CACNA2D3: variants seen among roughly 807,000 people sequenced by gnomAD.
CACNA2D3 encodes the protein voltage-dependent calcium channel subunit alpha-2/delta-3.
CACNA2D3 carries 60 observed loss-of-function variants against 160.6 expected under a neutral mutation model. That is an observed-to-expected ratio of 0.37 (90% CI 0.30 to 0.46). The LOEUF (loss-of-function observed/expected upper bound fraction) is 0.46, where lower values mean the gene tolerates loss of function less well. Among genes scored for constraint, CACNA2D3 ranks in the 20% least tolerant of loss-of-function variants. The pLI is 1.00. For missense variants in CACNA2D3, 1,205 were observed against 1,365.0 expected (o/e 0.88, Z 1.85); for synonymous variants, 558 against 492.9 (o/e 1.13, Z -1.75).
At chr3:54,382,423 C>G (rs1219616973) in intron 3 of CACNA2D3, among the ~76,000 whole-genome samples, 1 of 152,194 alleles carries the variant, frequency 6.6e-6, no homozygotes, top group African/African-American at 2.4e-5. Flanking sequence ...TGGCAAGCAT[C>G]AGAATTTGAA....
In CACNA2D3 at chr3:54,697,868, C is replaced by G. The variant is rs368982621; in HGVS notation, c.1168-54731C>G. The stretch of plus-strand genomic sequence containing the variant: ...GATGGAGCAATTAATTTAGTTTTCC[C>G]TTAGCCAGACATTTTTTTTTTCTTC... On this transcript the variant is annotated intron_variant, in intron 11 of 37. Coordinates refer to ENST00000474759, the MANE Select transcript of CACNA2D3 (RefSeq NM_018398.3). Among the ~76,000 whole-genome samples, 10 of 152,284 alleles carry G rather than the reference C, an allele frequency of 6.6e-5. No individual in the cohort carries two copies. In the South Asian group the frequency reaches 2.1e-3, roughly 32 times the overall value.
chr3:54,988,657 C>T (rs1214267074), intron 31 of CACNA2D3, among the ~76,000 whole-genome samples: 1 of 152,218 alleles, frequency 6.6e-6, no homozygotes, highest in Non-Finnish European at 1.5e-5. Flanking sequence ...TGGTTTATTA[C>T]TCTTCTGCGG....
chr3:54,730,221 C>A (rs1701360997), intron 11 of CACNA2D3, among the ~76,000 whole-genome samples: 1 of 152,120 alleles, frequency 6.6e-6, no homozygotes. Flanking sequence ...TAGTAATGAA[C>A]AAGACACAAA....
chr3:54,504,212 ATTCC>A (rs1701334843), intron 5 of CACNA2D3, among the ~76,000 whole-genome samples: 1 of 152,192 alleles, frequency 6.6e-6, no homozygotes. Context: ...CCTTAACAGA[ATTCC>A]TTATTTCCAG....
At chr3:54,573,447 T>A (rs1385077310) in intron 8 of CACNA2D3, among the ~76,000 whole-genome samples, 2 of 152,270 alleles carry the variant, frequency 1.3e-5, no homozygotes, top group African/African-American at 4.8e-5. Flanking sequence ...TGTTTCTGTG[T>A]ATATGAGCAC....
intron 11 of CACNA2D3, among the ~76,000 whole-genome samples, chr3:54,662,652 A>G (rs1402340581): frequency 6.6e-6 from 1 of 152,120 alleles, no homozygotes; most frequent in African/African-American, 2.4e-5. Context: ...GGCTTGCCTC[A>G]TGGTCTCAAG....
intron 2 of CACNA2D3, among the ~76,000 whole-genome samples, chr3:54,249,274 A>C (rs1211937847): frequency 6.6e-6 from 1 of 152,190 alleles, no homozygotes. Flanking sequence ...TTTATATGCC[A>C]AATTACAGGA....
intron 3 of CACNA2D3, among the ~76,000 whole-genome samples, chr3:54,322,516 A>G (rs911778198): frequency 1.3e-5 from 2 of 152,186 alleles, no homozygotes. Flanking sequence ...GGGTGAAGGC[A>G]TTTGCCCAGG....
intron 2 of CACNA2D3, among the ~76,000 whole-genome samples, chr3:54,194,663 A>G (rs1314244065): frequency 6.6e-6 from 1 of 152,216 alleles, no homozygotes; most frequent in African/African-American, 2.4e-5. Context: ...GGGAAGTCCA[A>G]GATTAAGGCA....
chr3:54,259,670 A>C (rs145814201), intron 2 of CACNA2D3, among the ~76,000 whole-genome samples: 164 of 152,334 alleles, frequency 1.1e-3, no homozygotes, highest in African/African-American at 3.9e-3. Flanking sequence ...TCATGACTGG[A>C]AGATCCCCTT....
At chr3:54,685,542 A>G (rs1700434491) in intron 11 of CACNA2D3, among the ~76,000 whole-genome samples, 2 of 152,208 alleles carry the variant, frequency 1.3e-5, no homozygotes, top group African/African-American at 2.4e-5. Context: ...TGTATATTAC[A>G]GTGACTAAGA....
chr3:54,779,509 A>G (rs1219807839), intron 13 of CACNA2D3, among the ~76,000 whole-genome samples: 3 of 152,196 alleles, frequency 2.0e-5, no homozygotes, highest in Admixed American at 2.0e-4. Flanking sequence ...TGTACTTGTA[A>G]TGTGCTTTTT....
chr3:54,715,999 T>G (rs564049106), intron 11 of CACNA2D3, among the ~76,000 whole-genome samples: 1 of 152,212 alleles, frequency 6.6e-6, no homozygotes, highest in Non-Finnish European at 1.5e-5. Context: ...GCGATAGATG[T>G]GTTAATTAAT....
chr3:54,472,392 T>C (rs1050454588), intron 4 of CACNA2D3, among the ~76,000 whole-genome samples: 1 of 152,198 alleles, frequency 6.6e-6, no homozygotes, highest in Non-Finnish European at 1.5e-5. Context: ...TGATGGAATG[T>C]ATCTCAAAGT....
intron 32 of CACNA2D3, 76 bp downstream of exon 32, chr3:55,004,914 T>C (rs1703058831): frequency 8.0e-6 from 8 of 1,001,150 alleles, no homozygotes; most frequent in Non-Finnish European, 1.2e-5. Flanking sequence ...ATCTTCCTCT[T>C]TGGAGTAATC....
rs550039158 is a variant in CACNA2D3, at chr3:54,229,194, A to AT, written c.205-91233dup. ...AATTTGAAAGTATTTCAGCTAATTA[A>AT]TTTTTTTTTTTTTTTGAGACGGAGT... On this transcript the variant is annotated intron_variant, in intron 2 of 37. Transcript: ENST00000474759. Among the ~76,000 whole-genome samples the AT allele has an allele frequency of 1.6e-3, 229 of 146,294 alleles. 1 individual carries two copies. Among genetic ancestry groups the AT allele is most frequent in the South Asian group, 6.7e-3 (31 of 4,596 alleles).
intron 2 of CACNA2D3, among the ~76,000 whole-genome samples, chr3:54,167,369 C>T (rs1700479011): frequency 6.6e-6 from 1 of 152,282 alleles, no homozygotes; most frequent in South Asian, 2.1e-4. Context: ...TTAATGCCTC[C>T]CCAGCCTTCT....
At chr3:55,074,070 C>A (rs1428458078) in intron 37 of CACNA2D3, 44 bp from the exon 38 acceptor site, 1 of 1,512,306 alleles carries the variant, frequency 6.6e-7, no homozygotes, top group African/African-American at 1.4e-5. Flanking sequence ...TGAAGGTGTC[C>A]TGGAGTCTAT....
intron 2 of CACNA2D3, among the ~76,000 whole-genome samples, chr3:54,161,320 A>G (rs1295959538): frequency 6.6e-6 from 1 of 152,238 alleles, no homozygotes; most frequent in East Asian, 1.9e-4. Context: ...TCAGAAGAGA[A>G]GCATGACGGG....
Sources: gnomAD v4.1 joint callset for allele counts (sites outside exome capture counted in the v4.1 genomes callset) on GRCh38, gnomAD v4.1.1 for gene constraint, MANE v1.5 for transcripts, NCBI Gene and HGNC (gene_info 2026-07-23, HGNC 2026-07-21) for gene names.